Variants in ODAD2 observed in about 807,000 individuals in gnomAD.
ODAD2 encodes outer dynein arm docking complex subunit 2, also known as outer dynein arm-docking complex subunit 2.
In ODAD2, 89 loss-of-function variants were observed where a neutral mutation model predicts 106.8. The observed-to-expected ratio is 0.83, with a 90% CI of 0.70 to 0.99. The LOEUF is 0.99. Among genes scored for constraint, ODAD2 ranks in the 50% least tolerant of loss-of-function variants. The pLI is 0.00. For missense variants in ODAD2, 1,168 were observed against 1,238.5 expected, an observed-to-expected ratio of 0.94 and a Z score of 0.85; for synonymous variants, 404 against 436.2, an observed-to-expected ratio of 0.93 and a Z score of 0.92.
chr10:27,870,863 T>C (rs1300499823), intron 17 of ODAD2, among the ~76,000 whole-genome samples: 2 of 152,204 alleles, frequency 1.3e-5, no homozygotes, highest in African/African-American at 2.4e-5. Flanking sequence ...CCTTTGGGTA[T>C]ATACCCAGTA....
Position 27,862,626 on chromosome 10 carries a change from G to A in ODAD2, c.2611-4C>T, listed in dbSNP as rs1226375685. 1.3e-6 allele frequency: 2 copies of A among 1,584,064 alleles called. No homozygotes were observed. Among genetic ancestry groups the A allele is most frequent in the South Asian group, 1.2e-5 (1 of 84,952 alleles). On this transcript the variant is annotated splice_region_variant and splice_polypyrimidine_tract_variant and intron_variant, in intron 17 of 19. Coordinates refer to ENST00000305242, the MANE Select transcript of ODAD2 (RefSeq NM_018076.5). Reference sequence around the variant, plus strand: ...AACGAACCATTTCCCCAGCATCCTAGACAAAAATAAAAGTAAAGATGGTAT... The same window carrying A: ...AACGAACCATTTCCCCAGCATCCTAAACAAAAATAAAAGTAAAGATGGTAT...
chr10:27,880,687 G>A (rs1362678886), intron 17 of ODAD2, among the ~76,000 whole-genome samples: 1 of 152,166 alleles, frequency 6.6e-6, no homozygotes, highest in Non-Finnish European at 1.5e-5. Flanking sequence ...TGAGGACACA[G>A]CAACCAAGTG....
intron 17 of ODAD2, among the ~76,000 whole-genome samples, chr10:27,900,983 G>A (rs913538393): frequency 6.6e-6 from 1 of 152,046 alleles, no homozygotes; most frequent in Non-Finnish European, 1.5e-5. Flanking sequence ...GATACTCCTC[G>A]AGAAGAACAA....
chr10:27,843,390 C>T (rs542268395), intron 19 of ODAD2, among the ~76,000 whole-genome samples: 6 of 152,204 alleles, frequency 3.9e-5, no homozygotes, highest in East Asian at 1.9e-4. Flanking sequence ...AGTGTACCAC[C>T]CAGCATAACT....
At chr10:27,941,609 T>C (rs2132592674) in intron 12 of ODAD2, among the ~76,000 whole-genome samples, 1 of 150,404 alleles carries the variant, frequency 6.6e-6, no homozygotes, top group South Asian at 2.1e-4. Context: ...TTTTTTTTTT[T>C]TTTTTTTGCA....
At chr10:27,835,022 C>T (rs758358922) in intron 19 of ODAD2, among the ~76,000 whole-genome samples, 5 of 152,320 alleles carry the variant, frequency 3.3e-5, no homozygotes, top group Non-Finnish European at 7.4e-5. Flanking sequence ...GAACACACAA[C>T]CGAAGGCGCA....
chr10:27,901,942 T>C (rs1843235948), intron 17 of ODAD2, among the ~76,000 whole-genome samples: 1 of 152,176 alleles, frequency 6.6e-6, no homozygotes, highest in Non-Finnish European at 1.5e-5. Flanking sequence ...AACTCAGCTC[T>C]GGAACAAGCG....
intron 19 of ODAD2, among the ~76,000 whole-genome samples, chr10:27,851,802 C>G (rs919323794): frequency 5.9e-5 from 9 of 151,910 alleles, no homozygotes; most frequent in African/African-American, 2.2e-4. Context: ...TGATGAAAAC[C>G]ACAAGCCCAC....
chr10:27,994,454 G>C (rs1850427337), intron 2 of ODAD2, among the ~76,000 whole-genome samples: 1 of 152,090 alleles, frequency 6.6e-6, no homozygotes. Flanking sequence ...GGATGACCTG[G>C]TGTGGTGGCT....
intron 17 of ODAD2, among the ~76,000 whole-genome samples, chr10:27,883,483 A>G (rs189625729): frequency 2.3e-4 from 35 of 152,308 alleles, no homozygotes; most frequent in Admixed American, 2.0e-3. Flanking sequence ...TTAACAAAAA[A>G]TGTGATACAT....
chr10:27,885,491 C>T (rs1842011881), intron 17 of ODAD2, among the ~76,000 whole-genome samples: 1 of 85,842 alleles, frequency 1.2e-5, no homozygotes, highest in Non-Finnish European at 2.1e-5. Context: ...GGCTGGGTGA[C>T]AGAGTGAGAC....
At chr10:27,992,385 T>A (rs78251735) in intron 2 of ODAD2, among the ~76,000 whole-genome samples, 1 of 152,158 alleles carries the variant, frequency 6.6e-6, no homozygotes, top group Non-Finnish European at 1.5e-5. Context: ...GAGGGAACAC[T>A]GTGCATAAAG....
chr10:27,993,510 C>A (rs1458042944), intron 2 of ODAD2, among the ~76,000 whole-genome samples: 1 of 152,014 alleles, frequency 6.6e-6, no homozygotes, highest in East Asian at 1.9e-4. Context: ...ATTAGCCAGG[C>A]GTGGTGGCGG....
intron 16 of ODAD2, among the ~76,000 whole-genome samples, chr10:27,917,343 A>G (rs1357540785): frequency 2.0e-5 from 3 of 152,244 alleles, no homozygotes; most frequent in Non-Finnish European, 4.4e-5. Flanking sequence ...ATGAAATCAC[A>G]ACTTATGTTT....
chr10:27,954,129 C>T (rs1847554929), intron 10 of ODAD2, among the ~76,000 whole-genome samples: 1 of 152,172 alleles, frequency 6.6e-6, no homozygotes, highest in Admixed American at 6.5e-5. Flanking sequence ...CTCCTCAACT[C>T]ATATATTTAA....
chr10:27,996,756 C>T (rs772668140), intron 1 of ODAD2, among the ~76,000 whole-genome samples: 1 of 152,132 alleles, frequency 6.6e-6, no homozygotes, highest in African/African-American at 2.4e-5. Flanking sequence ...GAAAATGACA[C>T]CATTGATGGC....
At chr10:27,834,609 C>T (rs1254933340) in intron 19 of ODAD2, among the ~76,000 whole-genome samples, 1 of 152,042 alleles carries the variant, frequency 6.6e-6, no homozygotes, top group East Asian at 1.9e-4. Context: ...AGTGAGATAA[C>T]GATGGAGAGG....
intron 16 of ODAD2, among the ~76,000 whole-genome samples, chr10:27,918,803 A>G (rs1231097583): frequency 3.3e-5 from 5 of 151,612 alleles, no homozygotes; most frequent in South Asian, 2.1e-4. Flanking sequence ...TGGTATCTAC[A>G]AAAAAAATTG....
intron 16 of ODAD2, among the ~76,000 whole-genome samples, chr10:27,920,177 T>C (rs1844672374): frequency 6.6e-6 from 1 of 152,124 alleles, no homozygotes; most frequent in Non-Finnish European, 1.5e-5. Flanking sequence ...TTTATAATAA[T>C]GACCATATTC....
Sources: allele counts gnomAD v4.1 joint callset (sites outside exome capture counted in the v4.1 genomes callset), GRCh38; gene constraint gnomAD v4.1.1; transcripts MANE v1.5; gene names NCBI Gene and HGNC (gene_info 2026-07-23, HGNC 2026-07-21).